The following EPHB1 variants were observed in gnomAD, a reference collection of about 807,000 sequenced individuals.
EPHB1 encodes the protein EPH receptor B1.
A neutral mutation model predicts 94.4 loss-of-function variants in EPHB1; 30 were observed. The observed-to-expected ratio is 0.32, with a 90% confidence interval of 0.24 to 0.43. The LOEUF (loss-of-function observed/expected upper bound fraction) is 0.43. Among genes scored for constraint, EPHB1 ranks in the 20% least tolerant of loss-of-function variants. The pLI, the probability that EPHB1 is intolerant of heterozygous loss-of-function variation, is 1.00. For synonymous variants in EPHB1, 522 were observed against 489.1 expected (o/e 1.07, Z -0.89); for missense variants, 1,055 against 1,308.3 (o/e 0.81, Z 2.99).
chr3:135,104,271 A>G (rs1036463680), intron 3 of EPHB1, among the ~76,000 whole-genome samples: 2 of 152,244 alleles, frequency 1.3e-5, no homozygotes, highest in Admixed American at 1.3e-4. Context: ...AGATATGGAA[A>G]GAAGAAAAGG....
intron 3 of EPHB1, among the ~76,000 whole-genome samples, chr3:135,039,752 CG>C (rs940663598): frequency 2.0e-5 from 3 of 152,222 alleles, no homozygotes; most frequent in Admixed American, 6.5e-5. Flanking sequence ...CATGCCCACC[CG>C]GAACTCAAGC....
intron 15 of EPHB1, among the ~76,000 whole-genome samples, chr3:135,252,281 T>G (rs376812265): frequency 6.6e-6 from 1 of 151,416 alleles, no homozygotes; most frequent in East Asian, 1.9e-4. Flanking sequence ...TAGTTACATA[T>G]GTATACATGT....
intron 1 of EPHB1, among the ~76,000 whole-genome samples, chr3:134,878,945 T>A (rs191498966): frequency 6.6e-6 from 1 of 152,176 alleles, no homozygotes; most frequent in East Asian, 1.9e-4. Context: ...GGATAATAAG[T>A]GTTTGAGAGG....
chr3:134,826,796 AT>A (rs1254878407), intron 1 of EPHB1, among the ~76,000 whole-genome samples: 2 of 152,072 alleles, frequency 1.3e-5, no homozygotes, highest in Non-Finnish European at 2.9e-5. Context: ...TCATCTTTCT[AT>A]TTTGTAGGGG....
chr3:135,214,091 G>A (rs185177368), intron 12 of EPHB1, among the ~76,000 whole-genome samples: 6 of 152,120 alleles, frequency 3.9e-5, no homozygotes, highest in Admixed American at 2.6e-4. Flanking sequence ...TTCCAAGCCC[G>A]CCAGTTCCTC....
intron 15 of EPHB1, among the ~76,000 whole-genome samples, chr3:135,251,333 C>T (rs1007338654): frequency 3.3e-5 from 5 of 152,114 alleles, no homozygotes; most frequent in Non-Finnish European, 7.4e-5. Flanking sequence ...GGACTGAGTT[C>T]AGGGATAGAA....
intron 2 of EPHB1, among the ~76,000 whole-genome samples, chr3:134,930,361 T>C (rs1209458216): frequency 6.6e-6 from 1 of 152,238 alleles, no homozygotes; most frequent in Non-Finnish European, 1.5e-5. Context: ...CTGCCTTTCA[T>C]TGAAGGCCTT....
chr3:135,046,308 A>G (rs1307528108), intron 3 of EPHB1, among the ~76,000 whole-genome samples: 1 of 152,204 alleles, frequency 6.6e-6, no homozygotes, highest in Non-Finnish European at 1.5e-5. Context: ...TTGTATTGTC[A>G]TTGTCGCATG....
rs146954609 is a variant in EPHB1 at position 135,075,431 on chromosome 3, C to T, written c.806-31017C>T. ...TATCACCCTCCAATTACAGGGCCCC[C>T]ATTTCCCCGTCTGTTTCATCATGCA... On this transcript the variant is annotated intron_variant, in intron 3 of 15. Transcript: ENST00000398015. Among the ~76,000 whole-genome samples, 1,195 of 152,300 alleles carry T rather than the reference C, an allele frequency of 7.8e-3. 3 individuals are homozygous for T. The highest frequency in any genetic ancestry group is 0.017 in the Middle Eastern group (5 of 294).
chr3:135,013,439 T>C (rs1291750968), intron 3 of EPHB1, among the ~76,000 whole-genome samples: 1 of 152,178 alleles, frequency 6.6e-6, no homozygotes, highest in African/African-American at 2.4e-5. Flanking sequence ...TGACCTGCTA[T>C]ATCACCACCG....
At chr3:135,062,238 C>T (rs2107777489) in intron 3 of EPHB1, among the ~76,000 whole-genome samples, 1 of 152,276 alleles carries the variant, frequency 6.6e-6, no homozygotes, top group African/African-American at 2.4e-5. Context: ...AATGGTAGTT[C>T]TACTTTTAGT....
Position 135,033,115 on chromosome 3 carries a change from A to G in EPHB1, c.806-73333A>G, listed in dbSNP as rs115288075. On this transcript the variant is annotated intron_variant, in intron 3 of 15. Transcript: ENST00000398015. ...CTGAAGAATGACTAGCACTAGGAGC[A>G]GTGACCACCGTAATAACTGATGGAC... Among the ~76,000 whole-genome samples the G allele has an allele frequency of 4.6e-3, 708 of 152,308 alleles. 5 individuals are homozygous for G. The highest frequency in any genetic ancestry group is 0.016 in the African/African-American group (677 of 41,576).
chr3:135,000,979 C>A (rs1260405093), intron 3 of EPHB1, among the ~76,000 whole-genome samples: 5 of 152,186 alleles, frequency 3.3e-5, no homozygotes, highest in Non-Finnish European at 7.4e-5. Context: ...CTCCCCTCCT[C>A]ATCTCATTTT....
chr3:135,186,453 C>T (rs1942332006), intron 10 of EPHB1, among the ~76,000 whole-genome samples: 1 of 152,216 alleles, frequency 6.6e-6, no homozygotes, highest in Non-Finnish European at 1.5e-5. Flanking sequence ...TTAAAACTTG[C>T]TTGAAATCAT....
intron 2 of EPHB1, among the ~76,000 whole-genome samples, chr3:134,928,588 G>C (rs2038842239): frequency 1.3e-5 from 2 of 152,168 alleles, no homozygotes; most frequent in African/African-American, 2.4e-5. Flanking sequence ...TGCTTGGGTG[G>C]GAAGAGGATG....
At chr3:135,022,445 T>C (rs536236522) in intron 3 of EPHB1, among the ~76,000 whole-genome samples, 1 of 152,320 alleles carries the variant, frequency 6.6e-6, no homozygotes, top group South Asian at 2.1e-4. Context: ...TAATATAGCA[T>C]GGAATTATGT....
At chr3:134,801,384 G>A (rs2035932084) in intron 1 of EPHB1, among the ~76,000 whole-genome samples, 1 of 152,328 alleles carries the variant, frequency 6.6e-6, no homozygotes, top group African/African-American at 2.4e-5. Flanking sequence ...CCCCAAAGGA[G>A]ATGAACCTGG....
At chr3:134,943,105 C>T (rs1057478386) in intron 2 of EPHB1, among the ~76,000 whole-genome samples, 12 of 152,230 alleles carry the variant, frequency 7.9e-5, no homozygotes, top group African/African-American at 2.4e-4. Context: ...CATGGATCCA[C>T]CACCTGACTT....
At chr3:134,966,718 T>G (rs1251861156) in intron 3 of EPHB1, among the ~76,000 whole-genome samples, 1 of 152,244 alleles carries the variant, frequency 6.6e-6, no homozygotes, top group Non-Finnish European at 1.5e-5. Context: ...AGACTTTCTT[T>G]CAGGATTTTG....
Sources: allele counts gnomAD v4.1 joint callset (sites outside exome capture counted in the v4.1 genomes callset), GRCh38; gene constraint gnomAD v4.1.1; transcripts MANE v1.5; gene names NCBI Gene and HGNC (gene_info 2026-07-23, HGNC 2026-07-21).